The following NKAIN2 variants were observed in gnomAD, a reference collection of about 807,000 sequenced individuals.
NKAIN2 encodes sodium/potassium transporting ATPase interacting 2, also known as sodium/potassium-transporting ATPase subunit beta-1-interacting protein 2.
Under a neutral mutation model 32.6 loss-of-function variants are expected in NKAIN2, and 14 were observed. The observed-to-expected ratio is 0.43, with a 90% CI of 0.28 to 0.67. The LOEUF is 0.67. Ranked by LOEUF, NKAIN2 falls within the 30% of genes least tolerant of loss-of-function variation. The pLI is 0.17. For synonymous variants in NKAIN2, 80 were observed against 87.2 expected (o/e 0.92, Z 0.46); for missense variants, 198 against 258.3 (o/e 0.77, Z 1.60).
intron 3 of NKAIN2, among the ~76,000 whole-genome samples, chr6:124,449,667 C>T (rs544009424): frequency 8.5e-5 from 13 of 152,166 alleles, no homozygotes; most frequent in African/African-American, 3.1e-4. Flanking sequence ...CATACACACA[C>T]ACACATACAA....
intron 3 of NKAIN2, among the ~76,000 whole-genome samples, chr6:124,559,381 A>C (rs2114887807): frequency 6.6e-6 from 1 of 152,254 alleles, no homozygotes; most frequent in Non-Finnish European, 1.5e-5. Flanking sequence ...GTCTCAAAGA[A>C]GTGACGAGCT....
chr6:124,818,416 G>T lies in NKAIN2; in HGVS notation c.565G>T (p.Gly189Cys), dbSNP rs1322341140. Residue 189 changes from glycine (G) to cysteine (C), a missense_variant, in exon 6 of 7, where the codon GGC becomes TGC. Coordinates refer to ENST00000368417, the MANE Select transcript of NKAIN2 (RefSeq NM_001040214.3). ...TTTCATAGGTGGCTTTGACTCTTAT[G>T]GCTATCAAGGGCCTCAGAAGACATC... ...FDFIGGFDSY[G>C]YQGPQKTSHL... 4 of 1,604,556 alleles carry T rather than the reference G, an allele frequency of 2.5e-6. No homozygotes were observed. Among genetic ancestry groups the T allele is most frequent in the African/African-American group, 1.3e-5 (1 of 74,650 alleles).
chr6:124,785,882 A>C (rs995383413), intron 4 of NKAIN2, among the ~76,000 whole-genome samples: 54 of 152,234 alleles, frequency 3.5e-4, no homozygotes, highest in African/African-American at 1.2e-3. Flanking sequence ...TTGTTACTGG[A>C]GAGTGAGGCT....
At chr6:123,923,851 T>C (rs1369327182) in intron 1 of NKAIN2, among the ~76,000 whole-genome samples, 1 of 146,020 alleles carries the variant, frequency 6.8e-6, no homozygotes, top group Non-Finnish European at 1.5e-5. Flanking sequence ...AGATGACGAG[T>C]TAGTGGGTGC....
intron 1 of NKAIN2, 81 bp downstream of exon 1, chr6:123,804,335 T>G (rs891869302): frequency 9.4e-6 from 11 of 1,169,060 alleles, no homozygotes; most frequent in African/African-American, 4.5e-5. Flanking sequence ...GGTCTGCCAT[T>G]GACTAGAATG....
intron 2 of NKAIN2, among the ~76,000 whole-genome samples, chr6:124,289,263 AT>A (rs901715649): frequency 6.6e-6 from 1 of 151,958 alleles, no homozygotes; most frequent in African/African-American, 2.4e-5. Flanking sequence ...GTTTTACTAC[AT>A]TTTTTTTAAC....
At chr6:124,235,590 TG>T (rs1792704732) in intron 1 of NKAIN2, among the ~76,000 whole-genome samples, 1 of 117,532 alleles carries the variant, frequency 8.5e-6, no homozygotes, top group African/African-American at 2.7e-5. Flanking sequence ...GTTTTGTTTT[TG>T]TTTTTTTGTT....
At chr6:124,419,916 T>C in intron 3 of NKAIN2, among the ~76,000 whole-genome samples, 1 of 152,192 alleles carries the variant, frequency 6.6e-6, no homozygotes, top group South Asian at 2.1e-4. Context: ...TTTTGCACAC[T>C]GTCTGTCTTG....
intron 3 of NKAIN2, among the ~76,000 whole-genome samples, chr6:124,467,083 C>T (rs1407478331): frequency 1.3e-5 from 2 of 151,986 alleles, no homozygotes; most frequent in Non-Finnish European, 2.9e-5. Flanking sequence ...ATAAAGATCA[C>T]TATTATAACA....
intron 1 of NKAIN2, among the ~76,000 whole-genome samples, chr6:123,880,021 A>G (rs1460089507): frequency 2.0e-5 from 3 of 152,096 alleles, no homozygotes; most frequent in African/African-American, 7.2e-5. Flanking sequence ...TCAATATACT[A>G]CTGCAGTAGG....
chr6:124,705,378 A>G (rs1775007209), intron 4 of NKAIN2, among the ~76,000 whole-genome samples: 1 of 152,074 alleles, frequency 6.6e-6, no homozygotes, highest in South Asian at 2.1e-4. Flanking sequence ...GGCTTATAAA[A>G]TGATACCACA....
At chr6:124,727,120 T>A (rs925765035) in intron 4 of NKAIN2, among the ~76,000 whole-genome samples, 1 of 152,224 alleles carries the variant, frequency 6.6e-6, no homozygotes, top group East Asian at 1.9e-4. Context: ...GGAACCCAGT[T>A]GGAAAACATT....
chr6:124,546,744 A>G (rs1218165569), intron 3 of NKAIN2, among the ~76,000 whole-genome samples: 2 of 152,190 alleles, frequency 1.3e-5, no homozygotes. Context: ...AAATCAAGTC[A>G]TCCACAAGCA....
chr6:124,444,864 G>A (rs1045493960), intron 3 of NKAIN2, among the ~76,000 whole-genome samples: 1 of 151,874 alleles, frequency 6.6e-6, no homozygotes, highest in Non-Finnish European at 1.5e-5. Flanking sequence ...TATTAGGAAT[G>A]AATCTCATGA....
At chr6:123,893,652 C>A (rs910396051) in intron 1 of NKAIN2, among the ~76,000 whole-genome samples, 1 of 152,182 alleles carries the variant, frequency 6.6e-6, no homozygotes, top group Non-Finnish European at 1.5e-5. Flanking sequence ...AGTGGTAGAG[C>A]AAAGCTCAGG....
intron 1 of NKAIN2, among the ~76,000 whole-genome samples, chr6:123,982,274 A>T (rs1337411476): frequency 6.6e-6 from 1 of 152,218 alleles, no homozygotes; most frequent in Non-Finnish European, 1.5e-5. Flanking sequence ...TATTGCTTTC[A>T]AACTAAAATG....
At chr6:124,217,676 C>T (rs966249175) in intron 1 of NKAIN2, among the ~76,000 whole-genome samples, 1 of 152,068 alleles carries the variant, frequency 6.6e-6, no homozygotes, top group African/African-American at 2.4e-5. Context: ...TTCTCGACTG[C>T]ATGAATAAAT....
intron 3 of NKAIN2, among the ~76,000 whole-genome samples, chr6:124,562,175 C>T (rs1265010323): frequency 6.6e-6 from 1 of 152,100 alleles, no homozygotes; most frequent in Non-Finnish European, 1.5e-5. Context: ...TCATATAATA[C>T]TGTGGAATAA....
intron 1 of NKAIN2, among the ~76,000 whole-genome samples, chr6:123,905,321 G>C (rs1163147658): frequency 6.6e-6 from 1 of 152,048 alleles, no homozygotes; most frequent in Non-Finnish European, 1.5e-5. Context: ...TAGTGGGTTT[G>C]CATCACAGCT....
Sources: gnomAD v4.1 joint callset for allele counts (sites outside exome capture counted in the v4.1 genomes callset) on GRCh38, gnomAD v4.1.1 for gene constraint, MANE v1.5 for transcripts, NCBI Gene and HGNC (gene_info 2026-07-23, HGNC 2026-07-21) for gene names.